The following MBOAT1 variants were observed in gnomAD, a reference collection of about 807,000 sequenced individuals.
The protein encoded by MBOAT1 is membrane-bound glycerophospholipid O-acyltransferase 1.
Under a neutral mutation model 64.4 loss-of-function variants are expected in MBOAT1, and 67 were observed. The observed-to-expected ratio is 1.04, with a 90% CI of 0.85 to 1.27. MBOAT1 has a LOEUF of 1.27. Among genes scored for constraint, MBOAT1 ranks in the 50% most tolerant of loss-of-function variants. The probability of loss-of-function intolerance (pLI) is 0.00; values close to 1 mark genes in which losing one functional copy is unlikely to be tolerated. For missense variants in MBOAT1, 563 were observed against 604.6 expected (o/e 0.93, Z 0.72); for synonymous variants, 229 against 218.9 (o/e 1.05, Z -0.41).
At chr6:20,154,753 T>C (rs767762358) in intron 1 of MBOAT1, among the ~76,000 whole-genome samples, 1 of 152,036 alleles carries the variant, frequency 6.6e-6, no homozygotes, top group Non-Finnish European at 1.5e-5. Context: ...AAAATGTATA[T>C]AGAAAAAGAA....
chr6:20,198,385 G>A (rs1763022144), intron 1 of MBOAT1, among the ~76,000 whole-genome samples: 1 of 152,162 alleles, frequency 6.6e-6, no homozygotes, highest in Admixed American at 6.5e-5. Context: ...GGTAAAGAAG[G>A]TTCATTGCAA....
At chr6:20,182,173 G>C (rs1441929371) in intron 1 of MBOAT1, among the ~76,000 whole-genome samples, 1 of 152,148 alleles carries the variant, frequency 6.6e-6, no homozygotes, top group Non-Finnish European at 1.5e-5. Flanking sequence ...CCTTAGACTA[G>C]GTAATTTGTA....
intron 10 of MBOAT1, among the ~76,000 whole-genome samples, chr6:20,113,735 G>C (rs552701218): frequency 5.3e-4 from 80 of 151,592 alleles, no homozygotes; most frequent in Admixed American, 7.2e-4. Flanking sequence ...CTCAGTCTAT[G>C]AATTGCCAAC....
chr6:20,155,225 G>A (rs1019530726), intron 1 of MBOAT1, among the ~76,000 whole-genome samples: 1 of 152,158 alleles, frequency 6.6e-6, no homozygotes, highest in African/African-American at 2.4e-5. Context: ...TGGGGCCCAC[G>A]CTAGACCTAC....
chr6:20,141,548 A>G (rs1761178021), intron 4 of MBOAT1, among the ~76,000 whole-genome samples: 3 of 150,890 alleles, frequency 2.0e-5, no homozygotes, highest in Admixed American at 2.0e-4. Context: ...TTTTGTTTTT[A>G]ATTTTTAGTA....
At chr6:20,136,842 G>C (rs1013915552) in intron 4 of MBOAT1, among the ~76,000 whole-genome samples, 1 of 152,092 alleles carries the variant, frequency 6.6e-6, no homozygotes, top group African/African-American at 2.4e-5. Flanking sequence ...CACCAATACT[G>C]CTTTCGCATT....
Position 20,179,649 on chromosome 6 carries a change from C to A in MBOAT1, c.100-26880G>T, listed in dbSNP as rs147361491. On this transcript the variant is annotated intron_variant, in intron 1 of 12. Transcript: ENST00000324607. ...ATATGCATGCATGTATCTCTAAAATCACTTACATTCCTTTGGGGATAGACC... is the reference window on the plus strand; with the variant it reads ...ATATGCATGCATGTATCTCTAAAATAACTTACATTCCTTTGGGGATAGACC... Among the ~76,000 whole-genome samples the A allele has an allele frequency of 8.6e-3, 1,309 of 152,170 alleles. 7 individuals are homozygous for A. The highest frequency in any genetic ancestry group is 0.014 in the Admixed American group (219 of 15,288).
rs75600376 is a variant in MBOAT1 at position 20,164,848 on chromosome 6, C to T, written c.100-12079G>A. Among the ~76,000 whole-genome samples the T allele has an allele frequency of 6.5e-3, 993 of 152,162 alleles. 12 individuals carry two copies. Among genetic ancestry groups the T allele is most frequent in the African/African-American group, 0.022 (902 of 41,506 alleles). On this transcript the variant is annotated intron_variant, in intron 1 of 12. Coordinates refer to ENST00000324607, the MANE Select transcript of MBOAT1 (RefSeq NM_001080480.3). The stretch of plus-strand genomic sequence containing the variant: ...AAAGTGACTTGCATTCAGTAGAAAC[C>T]GAACTTTGAGTAGCCATATGACCAT...
rs1554118923 is a variant in MBOAT1 at position 20,152,392 on chromosome 6, A to AAAG, written c.245+231_245+232insCTT. On this transcript the variant is annotated intron_variant, in intron 2 of 12. Transcript: ENST00000324607. ...TAATTAATTAATTAATTAATTAAAAAAAAGAAAAAGTGAACTATACTGACT... is the reference window on the plus strand; with the variant it reads ...TAATTAATTAATTAATTAATTAAAAAAAGAAAGAAAAAGTGAACTATACTGACT... 5.4e-3 allele frequency among the ~76,000 whole-genome samples: 782 copies of AAAG among 145,520 alleles called. 6 individuals are homozygous for AAAG. The highest frequency in any genetic ancestry group is 0.017 in the African/African-American group (689 of 39,894).
At chr6:20,137,877 G>C (rs146755056) in intron 4 of MBOAT1, among the ~76,000 whole-genome samples, 2 of 152,274 alleles carry the variant, frequency 1.3e-5, no homozygotes, top group East Asian at 3.9e-4. Context: ...TATACATCAG[G>C]CTGCTTTAAA....
chr6:20,190,497 A>C (rs1020326755), intron 1 of MBOAT1, among the ~76,000 whole-genome samples: 1 of 152,228 alleles, frequency 6.6e-6, no homozygotes, highest in Non-Finnish European at 1.5e-5. Context: ...TTTTAAATTT[A>C]ATGGGACATG....
chr6:20,107,971 G>A (rs1381783356), intron 12 of MBOAT1, among the ~76,000 whole-genome samples: 1 of 152,132 alleles, frequency 6.6e-6, no homozygotes, highest in East Asian at 1.9e-4. Flanking sequence ...TGGCTTGAGG[G>A]CATGGACAAA....
At chr6:20,144,106 A>C in intron 4 of MBOAT1, 114 bp downstream of exon 4, 1 of 690,376 alleles carries the variant, frequency 1.4e-6, no homozygotes, top group Non-Finnish European at 2.6e-6. Flanking sequence ...GTGTCTTACC[A>C]ACTGATTTAA....
rs189521232 is a variant in MBOAT1, at chr6:20,133,230, T to A, written c.420-2031A>T. Among the ~76,000 whole-genome samples, 148 of 152,276 alleles carry A rather than the reference T, an allele frequency of 9.7e-4. 1 individual carries two copies. The highest frequency in any genetic ancestry group is 5.1e-4 in the Non-Finnish European group (35 of 68,018). The stretch of plus-strand genomic sequence containing the variant: ...CTGTGAAAGAAGAAAAGGAAGGTCA[T>A]CTGCTCCACCAGATCTGGTGAGGCA... On this transcript the variant is annotated intron_variant, in intron 4 of 12. Transcript: ENST00000324607.
chr6:20,148,928 C>T (rs1301326327), intron 3 of MBOAT1, among the ~76,000 whole-genome samples: 3 of 151,888 alleles, frequency 2.0e-5, no homozygotes, highest in African/African-American at 2.4e-5. Context: ...TAGTGAAACC[C>T]CGTCTCGACT....
chr6:20,105,292 C>T (rs1457787510), intron 12 of MBOAT1, among the ~76,000 whole-genome samples: 1 of 152,192 alleles, frequency 6.6e-6, no homozygotes, highest in Non-Finnish European at 1.5e-5. Context: ...GGTTTAGTAA[C>T]CTCTTCTGAC....
rs191791920 is a variant in MBOAT1, at chr6:20,100,433, C to T, written c.*1853G>A. Among the ~76,000 whole-genome samples the T allele has an allele frequency of 1.2e-4, 19 of 152,268 alleles. No individual in the cohort carries two copies. The highest frequency in any genetic ancestry group is 5.2e-4 in the Admixed American group (8 of 15,300). The stretch of plus-strand genomic sequence containing the variant: ...CTATCTAAGATTCTTCCTGGGACAG[C>T]GAAGTAGGGTTGCCCCAAGATTTCC... On this transcript the variant is annotated 3_prime_UTR_variant, in exon 13 of 13. Coordinates refer to ENST00000324607, the MANE Select transcript of MBOAT1 (RefSeq NM_001080480.3).
chr6:20,130,158 C>A (rs1289785569), intron 5 of MBOAT1, among the ~76,000 whole-genome samples: 1 of 152,206 alleles, frequency 6.6e-6, no homozygotes, highest in African/African-American at 2.4e-5. Context: ...ACAGAATATA[C>A]TTTTACTAAT....
At chr6:20,142,173 G>A (rs1298688453) in intron 4 of MBOAT1, among the ~76,000 whole-genome samples, 1 of 152,132 alleles carries the variant, frequency 6.6e-6, no homozygotes, top group South Asian at 2.1e-4. Context: ...CAGATGGAGG[G>A]ACTGTTTAAT....
Sources: gnomAD v4.1 joint callset for allele counts (sites outside exome capture counted in the v4.1 genomes callset) on GRCh38, gnomAD v4.1.1 for gene constraint, MANE v1.5 for transcripts, NCBI Gene and HGNC (gene_info 2026-07-23, HGNC 2026-07-21) for gene names.